ITGAD: variants seen among roughly 807,000 people sequenced by gnomAD.
ITGAD encodes the protein integrin subunit alpha D, also known as integrin alpha-D.
A neutral mutation model predicts 139.0 loss-of-function variants in ITGAD; 105 were observed. That is an observed-to-expected ratio of 0.76 (90% confidence interval 0.65 to 0.89). The LOEUF is 0.89. Among genes scored for constraint, ITGAD ranks in the 40% least tolerant of loss-of-function variants. ITGAD has a pLI of 0.00. For synonymous variants in ITGAD, 569 were observed against 598.3 expected (o/e 0.95, Z 0.71); for missense variants, 1,384 against 1,487.3 (o/e 0.93, Z 1.14).
intron 28 of ITGAD, 71 bp downstream of exon 28, chr16:31,424,274 G>C (rs763687195): frequency 2.5e-6 from 4 of 1,576,060 alleles, no homozygotes; most frequent in Admixed American, 1.7e-5. Context: ...GGTGCTGGGT[G>C]GGGGGTTTGC....
chr16:31,409,852 C>T (rs577067244), intron 10 of ITGAD, among the ~76,000 whole-genome samples: 37 of 139,978 alleles, frequency 2.6e-4, no homozygotes, highest in African/African-American at 9.5e-4. Context: ...TTCAAGACTG[C>T]AGTGAGCGAT....
At chr16:31,413,994 A>T (rs183549819) in intron 16 of ITGAD, among the ~76,000 whole-genome samples, 25 of 152,268 alleles carry the variant, frequency 1.6e-4, no homozygotes, top group African/African-American at 5.8e-4. Context: ...TTAGATTGTG[A>T]GGTTCATGAG....
At position 31,402,141 on chromosome 16, in the gene ITGAD, G is replaced by A. The variant is rs1285444916; in HGVS notation, c.454G>A (p.Val152Ile). 2 of 1,613,948 alleles carry A rather than the reference G, an allele frequency of 1.2e-6. No individual in the cohort carries two copies. The highest frequency in any genetic ancestry group is 1.7e-5 in the Admixed American group (1 of 60,006). ...GTGTCCACATCAAGAGATGGACATC[G>A]TCTTCCTGATTGACGGCTCTGGAAG... Reference protein sequence around the residue: ...PECPHQEMDIVFLIDGSGSID... With the variant: ...PECPHQEMDIIFLIDGSGSID... Residue 152 changes from valine to isoleucine, a missense_variant, in exon 6 of 30, where the codon GTC (valine) becomes ATC (isoleucine). Val to Ile is a conservative substitution (Grantham distance 29, BLOSUM62 3). Coordinates refer to ENST00000389202, the MANE Select transcript of ITGAD (RefSeq NM_005353.3).
chr16:31,416,580 C>G lies in ITGAD; in HGVS notation c.2433C>G (p.Ser811=), dbSNP rs890532451. 6.2e-7 allele frequency: 1 copy of G among 1,613,762 alleles called. No homozygotes were observed. The highest frequency in any genetic ancestry group is 1.3e-5 in the African/African-American group (1 of 74,904). Reference sequence around the variant, plus strand: ...CTGTGTGGAACGCAGGTGAGGATTCCTACGGAACCGTGGTCAGCCTCTACT... The same window carrying G: ...CTGTGTGGAACGCAGGTGAGGATTCGTACGGAACCGTGGTCAGCCTCTACT... ...IVTVWNAGED[S]YGTVVSLYYP... Residue 811 remains serine, a synonymous_variant, in exon 20 of 30, where the codon TCC becomes TCG. Transcript: ENST00000389202.
At position 31,407,972 on chromosome 16, in the gene ITGAD, G is replaced by A. The variant is rs878886357; in HGVS notation, c.1009+56G>A. On this transcript the variant is annotated intron_variant, in intron 9 of 29. Coordinates refer to ENST00000389202, the MANE Select transcript of ITGAD (RefSeq NM_005353.3). ...CAAGGGGTCCCCACCCAATTGTCCC[G>A]TGCAGGCTTTTTTTTTTTGAGATGG... 1.2e-5 allele frequency: 18 copies of A among 1,496,480 alleles called. No individual in the cohort carries two copies. In the South Asian group the frequency reaches 1.9e-4, roughly 16 times the overall value. 92.7% of individuals were successfully genotyped at this position (1,496,480 alleles called of 1,614,324 possible). A position where few individuals can be genotyped will look rare whatever the true frequency, so the allele number is the denominator to read the frequency against.
Position 31,402,103 on chromosome 16 carries a change from A to T in ITGAD, c.428-12A>T. ...CGCAGTGCATCTCCGATTCCTCCCC[A>T]TTCCCCCACAGAGTGTCCACATCAA... On this transcript the variant is annotated splice_polypyrimidine_tract_variant and intron_variant, in intron 5 of 29. Transcript: ENST00000389202. The T allele has an allele frequency of 6.2e-7, 1 of 1,612,044 alleles. No homozygotes were observed. Among genetic ancestry groups the T allele is most frequent in the Non-Finnish European group, 8.5e-7 (1 of 1,178,410 alleles).
At chr16:31,409,320 A>C (rs771217465) in intron 10 of ITGAD, among the ~76,000 whole-genome samples, 15 of 124,770 alleles carry the variant, frequency 1.2e-4, no homozygotes, top group Non-Finnish European at 2.5e-4. Context: ...ACAAAAACAA[A>C]AACAAAACAA....
At position 31,411,445 on chromosome 16, in the gene ITGAD, G is replaced by T; in HGVS notation, c.1635G>T (p.Glu545Asp). The T allele has an allele frequency of 1.9e-6, 3 of 1,614,146 alleles. No individual in the cohort carries two copies. Among genetic ancestry groups the T allele is most frequent in the Non-Finnish European group, 2.5e-6 (3 of 1,179,996 alleles). Residue 545 changes from glutamate to aspartate, a missense_variant, in exon 14 of 30, where the codon GAG (glutamate) becomes GAT (aspartate). Coordinates refer to ENST00000389202, the MANE Select transcript of ITGAD (RefSeq NM_005353.3). Reference protein sequence around the residue: ...LIDVAIGAPGEQENRGAVYLF... With the variant: ...LIDVAIGAPGDQENRGAVYLF... ...ACGTGGCCATTGGGGCCCCGGGAGA[G>T]CAGGAGAACCGGGGTGCTGTCTACC...
intron 10 of ITGAD, among the ~76,000 whole-genome samples, chr16:31,409,700 A>G (rs572596975): frequency 1.3e-5 from 2 of 152,110 alleles, no homozygotes; most frequent in East Asian, 3.9e-4. Context: ...ACTTGAGGCC[A>G]GGAGTTTGAG....
Position 31,410,729 on chromosome 16 carries a change from C to T in ITGAD, c.1214-7C>T. ...GGGGCCTTTGTGCTGAGGCCTGGGCCCCTCAGGTTACTCCACCGAGCTAGC... is the reference window on the plus strand; with the variant it reads ...GGGGCCTTTGTGCTGAGGCCTGGGCTCCTCAGGTTACTCCACCGAGCTAGC... On this transcript the variant is annotated splice_polypyrimidine_tract_variant and splice_region_variant and intron_variant, in intron 11 of 29. Transcript: ENST00000389202. The T allele has an allele frequency of 6.2e-7, 1 of 1,609,120 alleles. No individual in the cohort carries two copies. Among genetic ancestry groups the T allele is most frequent in the Non-Finnish European group, 8.5e-7 (1 of 1,178,190 alleles).
At chr16:31,397,689 G>C in intron 4 of ITGAD, 23 bp downstream of exon 4, 5 of 1,531,434 alleles carry the variant, frequency 3.3e-6, no homozygotes, top group Non-Finnish European at 4.4e-6. Flanking sequence ...CTTGGGCCAC[G>C]GGGGGGTGGG....
rs201719522 is a variant in ITGAD at position 31,397,650 on chromosome 16, A to T, written c.296A>T (p.Asn99Ile). The change falls in exon 4 of 30, where the codon AAC (asparagine) becomes ATC (isoleucine). Residue 99 changes from asparagine (N) to isoleucine (I), a missense_variant. Asn to Ile is a moderately radical substitution (Grantham distance 149). Transcript: ENST00000389202. ...GGCCTGACCCTGGCAGCCTCCACCA[A>T]CGGCTCCCGGCTCCTGGTGAGTGAG... ...SLGLTLAAST[N>I]GSRLLACGPT... 1 of 1,409,144 alleles carries T rather than the reference A, an allele frequency of 7.1e-7. No homozygotes were observed. The highest frequency in any genetic ancestry group is 1.6e-5 in the African/African-American group (1 of 64,394). The allele number at this position is 1,409,144 out of a possible 1,614,324, so 87.3% of individuals were successfully genotyped here.
chr16:31,418,672 T>C, intron 23 of ITGAD, 108 bp downstream of exon 23: 2 of 852,872 alleles, frequency 2.3e-6, no homozygotes, highest in Non-Finnish European at 4.0e-6. Flanking sequence ...AGCTCTCCTG[T>C]TTTGGGATGC....
intron 14 of ITGAD, among the ~76,000 whole-genome samples, chr16:31,412,209 A>T (rs2081741661): frequency 6.6e-6 from 1 of 151,538 alleles, no homozygotes; most frequent in African/African-American, 2.4e-5. Flanking sequence ...ATACCCGGCT[A>T]ATTTTTGTAT....
chr16:31,411,045 C>T (rs759902227), intron 12 of ITGAD, 31 bp from the exon 13 acceptor site: 30 of 1,610,478 alleles, frequency 1.9e-5, no homozygotes, highest in Non-Finnish European at 2.5e-5. Flanking sequence ...CTGGCTGGGA[C>T]AGGCAGCATG....
At chr16:31,406,835 G>A (rs1378236731) in intron 7 of ITGAD, among the ~76,000 whole-genome samples, 1 of 152,138 alleles carries the variant, frequency 6.6e-6, no homozygotes, top group East Asian at 1.9e-4. Context: ...GTTCACTGGG[G>A]GCCATCTTTT....
intron 11 of ITGAD, 78 bp from the exon 12 acceptor site, chr16:31,410,658 C>A: frequency 1.5e-6 from 2 of 1,300,092 alleles, no homozygotes; most frequent in Non-Finnish European, 2.0e-6. Flanking sequence ...GAGATGGGGG[C>A]TGCGCTGCCT....
rs544166381 is a variant in ITGAD at position 31,408,215 on chromosome 16, G to A, written c.1010-210G>A. 1.4e-4 allele frequency among the ~76,000 whole-genome samples: 22 copies of A among 152,176 alleles called. No homozygotes were observed. In the South Asian group the frequency reaches 2.3e-3, roughly 16 times the overall value. On this transcript the variant is annotated intron_variant, in intron 9 of 29. Coordinates refer to ENST00000389202, the MANE Select transcript of ITGAD (RefSeq NM_005353.3). ...TCGAACTCCTGACCTCAGGTGATCC[G>A]CCAACCTTAGCTTCTCAAAGTGCTG...
At chr16:31,412,806 C>T (rs751588827) in intron 14 of ITGAD, 32 bp from the exon 15 acceptor site, 2 of 1,612,828 alleles carry the variant, frequency 1.2e-6, no homozygotes, top group East Asian at 4.5e-5. Context: ...CCCCATCTTC[C>T]AGCCTGATTC....
Sources: allele counts gnomAD v4.1 joint callset (sites outside exome capture counted in the v4.1 genomes callset), GRCh38; gene constraint gnomAD v4.1.1; transcripts MANE v1.5; gene names NCBI Gene and HGNC (gene_info 2026-07-23, HGNC 2026-07-21).